Variants in DPP10 observed in about 807,000 individuals in gnomAD.
The protein encoded by DPP10 is inactive dipeptidyl peptidase 10.
DPP10 carries 33 observed loss-of-function variants against 120.9 expected under a neutral mutation model. That is an observed-to-expected ratio of 0.27 (90% CI 0.21 to 0.37). DPP10 has a LOEUF of 0.37. DPP10 is among the 10% of genes least tolerant of loss of function. The probability of loss-of-function intolerance (pLI) is 1.00; values close to 1 mark genes in which losing one functional copy is unlikely to be tolerated. For missense variants in DPP10, 816 were observed against 942.8 expected (o/e 0.87, Z 1.76); for synonymous variants, 337 against 326.1 (o/e 1.03, Z -0.36).
intron 1 of DPP10, among the ~76,000 whole-genome samples, chr2:114,541,034 A>G (rs895221808): frequency 8.5e-5 from 13 of 152,198 alleles, no homozygotes; most frequent in Admixed American, 3.9e-4. Context: ...TTAAGAGACA[A>G]ATAGATATAT....
In DPP10 at chr2:115,343,866, T is replaced by C. The variant is rs2106260110; in HGVS notation, c.225T>C (p.Phe75=). The change falls in exon 3 of 26, where the codon TTT becomes TTC. Residue 75 remains phenylalanine (F), a synonymous_variant. Coordinates refer to ENST00000410059, the MANE Select transcript of DPP10 (RefSeq NM_020868.6). ...SETRLSLEDL[F]RKDFVLHDPE... ...CCAGATTGTCTTTGGAAGACCTCTTTAGGAAAGACTTTGTGCTTCACGATC... is the reference window on the plus strand; with the variant it reads ...CCAGATTGTCTTTGGAAGACCTCTTCAGGAAAGACTTTGTGCTTCACGATC... The C allele has an allele frequency of 6.2e-7, 1 of 1,612,412 alleles. No individual in the cohort carries two copies. The highest frequency in any genetic ancestry group is 2.2e-5 in the East Asian group (1 of 44,692).
chr2:114,737,952 C>T lies in DPP10; in HGVS notation c.60+295114C>T, dbSNP rs148480291. Among the ~76,000 whole-genome samples, 38 of 152,260 alleles carry T rather than the reference C, an allele frequency of 2.5e-4. No individual in the cohort carries two copies. The South Asian group carries it at 4.6e-3, about 18-fold the overall frequency. On this transcript the variant is annotated intron_variant, in intron 1 of 25. Transcript: ENST00000410059. ...ATTTGTAAAGAAAAGAGGTTTAATG[C>T]GTTCACGGTTCTGCAGGTTGTAGAG...
intron 3 of DPP10, among the ~76,000 whole-genome samples, chr2:115,377,794 A>G (rs939099281): frequency 2.3e-3 from 349 of 152,196 alleles, no homozygotes; most frequent in African/African-American, 8.1e-3. Context: ...TCCCAGCACC[A>G]TTTATTAAAT....
At chr2:115,005,383 C>T (rs1291708115) in intron 1 of DPP10, among the ~76,000 whole-genome samples, 4 of 152,114 alleles carry the variant, frequency 2.6e-5, no homozygotes, top group African/African-American at 7.2e-5. Flanking sequence ...CTTTGACGAG[C>T]TGAGAGAAGA....
In DPP10 at chr2:115,004,773, C is replaced by A. The variant is rs987492068; in HGVS notation, c.61-304466C>A. 1.6e-4 allele frequency among the ~76,000 whole-genome samples: 24 copies of A among 152,204 alleles called. 1 individual carries two copies. The highest frequency in any genetic ancestry group is 5.8e-4 in the African/African-American group (24 of 41,536). On this transcript the variant is annotated intron_variant, in intron 1 of 25. Coordinates refer to ENST00000410059, the MANE Select transcript of DPP10 (RefSeq NM_020868.6). ...AGCAGTCTGAGATCAAACTGCAAGGCGGCAGCGAGGCTGGGGGAGGGGCGC... is the reference window on the plus strand; with the variant it reads ...AGCAGTCTGAGATCAAACTGCAAGGAGGCAGCGAGGCTGGGGGAGGGGCGC...
At chr2:115,399,302 C>CT (rs2067897364) in intron 3 of DPP10, among the ~76,000 whole-genome samples, 1 of 152,058 alleles carries the variant, frequency 6.6e-6, no homozygotes, top group Non-Finnish European at 1.5e-5. Context: ...ATTTCTGTTT[C>CT]TTTTTGTAAT....
intron 1 of DPP10, among the ~76,000 whole-genome samples, chr2:114,805,364 GC>G (rs1163343721): frequency 6.6e-6 from 1 of 152,190 alleles, no homozygotes; most frequent in East Asian, 1.9e-4. Context: ...ACACACGAGT[GC>G]TCTTCAGGAA....
At chr2:115,112,300 C>A (rs1356968900) in intron 1 of DPP10, among the ~76,000 whole-genome samples, 2 of 152,020 alleles carry the variant, frequency 1.3e-5, no homozygotes, top group Non-Finnish European at 2.9e-5. Context: ...TCCAGATCAT[C>A]AGCTAGATCC....
At chr2:115,658,619 C>T (rs944707986) in intron 5 of DPP10, among the ~76,000 whole-genome samples, 2 of 152,094 alleles carry the variant, frequency 1.3e-5, no homozygotes, top group South Asian at 2.1e-4. Flanking sequence ...ATGACCTTGT[C>T]ATTCAACTTG....
intron 1 of DPP10, among the ~76,000 whole-genome samples, chr2:115,095,813 T>G (rs1709695922): frequency 6.6e-6 from 1 of 152,108 alleles, no homozygotes; most frequent in African/African-American, 2.4e-5. Context: ...TATTGCCTTA[T>G]CAAAGGAGCC....
intron 1 of DPP10, among the ~76,000 whole-genome samples, chr2:114,782,791 A>C (rs1011111328): frequency 5.3e-5 from 8 of 152,128 alleles, no homozygotes; most frequent in Admixed American, 2.0e-4. Context: ...AATTTCAGTG[A>C]TTTCAAATTA....
intron 1 of DPP10, among the ~76,000 whole-genome samples, chr2:115,256,793 C>T (rs558949738): frequency 3.3e-5 from 5 of 152,348 alleles, no homozygotes; most frequent in African/African-American, 1.2e-4. Context: ...TTACACTCTT[C>T]TTCCTTCTTA....
intron 1 of DPP10, among the ~76,000 whole-genome samples, chr2:114,879,792 G>C (rs957364908): frequency 6.6e-6 from 1 of 152,140 alleles, no homozygotes; most frequent in Admixed American, 6.6e-5. Flanking sequence ...TGCTGTGGAA[G>C]ACAGTGACCA....
At chr2:114,665,548 A>C (rs1573922238) in intron 1 of DPP10, among the ~76,000 whole-genome samples, 1 of 126,630 alleles carries the variant, frequency 7.9e-6, no homozygotes, top group Non-Finnish European at 1.8e-5. Flanking sequence ...CAAAGGAGGG[A>C]AAGGAAGCTG....
At chr2:114,869,474 CCCCAGGTTCAGAAAACTA>C in intron 1 of DPP10, among the ~76,000 whole-genome samples, 1 of 152,196 alleles carries the variant, frequency 6.6e-6, no homozygotes, top group East Asian at 1.9e-4. Flanking sequence ...GAAACAGTCC[CCCCAGGTTCAGAAAACTA>C]CCAAGAGAGA....
intron 1 of DPP10, among the ~76,000 whole-genome samples, chr2:114,753,618 T>G (rs1679439200): frequency 6.6e-6 from 1 of 151,944 alleles, no homozygotes; most frequent in Admixed American, 6.6e-5. Context: ...AGTATAGAAA[T>G]ATGAAAATGG....
chr2:115,693,992 T>C (rs1197781410), intron 7 of DPP10, among the ~76,000 whole-genome samples: 5 of 152,292 alleles, frequency 3.3e-5, no homozygotes, highest in Non-Finnish European at 7.4e-5. Context: ...TTTAAACACC[T>C]TAGGGAACTT....
intron 3 of DPP10, among the ~76,000 whole-genome samples, chr2:115,429,927 C>T (rs1000378014): frequency 1.3e-5 from 2 of 152,006 alleles, no homozygotes; most frequent in East Asian, 1.9e-4. Context: ...CAACCTGGAG[C>T]GTGTTTAGAG....
chr2:114,625,613 C>G (rs1291470627), intron 1 of DPP10, among the ~76,000 whole-genome samples: 1 of 151,824 alleles, frequency 6.6e-6, no homozygotes, highest in Non-Finnish European at 1.5e-5. Context: ...CTTTTAAAAT[C>G]GTATGTTGAT....
Sources: allele counts gnomAD v4.1 joint callset (sites outside exome capture counted in the v4.1 genomes callset), GRCh38; gene constraint gnomAD v4.1.1; transcripts MANE v1.5; gene names NCBI Gene and HGNC (gene_info 2026-07-23, HGNC 2026-07-21).